CNTN4: variants seen among roughly 807,000 people sequenced by gnomAD.
The protein encoded by CNTN4 is contactin 4.
Under a neutral mutation model 122.5 loss-of-function variants are expected in CNTN4, and 77 were observed. That is an observed-to-expected ratio of 0.63 (90% confidence interval 0.52 to 0.76). The LOEUF is 0.76. CNTN4 is among the 30% of genes least tolerant of loss of function. CNTN4 has a pLI of 0.00. For synonymous variants in CNTN4, 512 were observed against 447.0 expected (o/e 1.15, Z -1.83); for missense variants, 1,256 against 1,259.1 (o/e 1.00, Z 0.04).
intron 6 of CNTN4, among the ~76,000 whole-genome samples, chr3:2,752,348 A>C (rs1576662101): frequency 6.6e-6 from 1 of 152,062 alleles, no homozygotes; most frequent in Non-Finnish European, 1.5e-5. Flanking sequence ...ATTAGAGTAA[A>C]TTGGTTTTTT....
intron 2 of CNTN4, among the ~76,000 whole-genome samples, chr3:2,329,483 T>C (rs1353441738): frequency 6.6e-6 from 1 of 152,208 alleles, no homozygotes; most frequent in African/African-American, 2.4e-5. Context: ...CCTTACATTT[T>C]GTTTTAGACA....
chr3:2,527,386 C>T (rs1417547344), intron 3 of CNTN4, among the ~76,000 whole-genome samples: 1 of 151,868 alleles, frequency 6.6e-6, no homozygotes, highest in Non-Finnish European at 1.5e-5. Context: ...TGAGGACTGG[C>T]ACACCAAATG....
chr3:2,688,560 T>C (rs542587152), intron 4 of CNTN4, among the ~76,000 whole-genome samples: 22 of 152,210 alleles, frequency 1.4e-4, no homozygotes, highest in Non-Finnish European at 2.8e-4. Context: ...TGAGATGTGA[T>C]TCCTGTTATT....
At chr3:2,736,837 T>G (rs1014936215) in intron 5 of CNTN4, among the ~76,000 whole-genome samples, 9 of 150,364 alleles carry the variant, frequency 6.0e-5, no homozygotes, top group Admixed American at 1.3e-4. Flanking sequence ...CTGTCAGGAG[T>G]GCAGTGTGCG....
intron 10 of CNTN4, among the ~76,000 whole-genome samples, chr3:2,888,315 G>A (rs28521202): frequency 0.027 from 4,051 of 152,192 alleles, 161 homozygotes; most frequent in African/African-American, 0.091. Flanking sequence ...CTTGCTAACC[G>A]CAATGAGCCT....
At chr3:2,758,145 G>T (rs1162122821) in intron 6 of CNTN4, among the ~76,000 whole-genome samples, 4 of 152,118 alleles carry the variant, frequency 2.6e-5, no homozygotes, top group Non-Finnish European at 5.9e-5. Context: ...TAATGTATAT[G>T]TTGAGGTGAG....
At chr3:2,803,255 T>C (rs1345823775) in intron 6 of CNTN4, among the ~76,000 whole-genome samples, 1 of 152,172 alleles carries the variant, frequency 6.6e-6, no homozygotes, top group Non-Finnish European at 1.5e-5. Flanking sequence ...GACACCAGAT[T>C]GACATAAACT....
intron 3 of CNTN4, among the ~76,000 whole-genome samples, chr3:2,500,666 T>C (rs948435249): frequency 1.3e-5 from 2 of 152,162 alleles, no homozygotes; most frequent in East Asian, 1.9e-4. Flanking sequence ...ATGTTCAGTA[T>C]GTTTCTTTTT....
At chr3:2,328,207 C>T (rs998610517) in intron 2 of CNTN4, among the ~76,000 whole-genome samples, 5 of 152,062 alleles carry the variant, frequency 3.3e-5, no homozygotes, top group South Asian at 2.1e-4. Flanking sequence ...AGATCGAGAC[C>T]ATCCTGGCTA....
At chr3:2,488,134 C>A (rs1319715461) in intron 3 of CNTN4, among the ~76,000 whole-genome samples, 1 of 152,192 alleles carries the variant, frequency 6.6e-6, no homozygotes, top group African/African-American at 2.4e-5. Context: ...ATTTTATGAT[C>A]ACTTATCCTT....
At chr3:2,555,839 G>C (rs1270733979) in intron 3 of CNTN4, among the ~76,000 whole-genome samples, 4 of 152,168 alleles carry the variant, frequency 2.6e-5, no homozygotes, top group Admixed American at 2.6e-4. Flanking sequence ...TGGTAATATA[G>C]CTGTGGCTGG....
intron 4 of CNTN4, among the ~76,000 whole-genome samples, chr3:2,726,709 G>A (rs2088251553): frequency 1.3e-5 from 2 of 152,150 alleles, no homozygotes; most frequent in Admixed American, 1.3e-4. Context: ...TGGAGCGCTG[G>A]GTTGTTAGGG....
At chr3:2,589,292 T>C (rs1393382455) in intron 4 of CNTN4, among the ~76,000 whole-genome samples, 1 of 152,214 alleles carries the variant, frequency 6.6e-6, no homozygotes, top group Non-Finnish European at 1.5e-5. Flanking sequence ...CCCAGTTGGC[T>C]CTTAAAAACA....
intron 4 of CNTN4, among the ~76,000 whole-genome samples, chr3:2,589,350 GA>G (rs2080351941): frequency 6.6e-6 from 1 of 152,080 alleles, no homozygotes. Flanking sequence ...ACCTTTCTTT[GA>G]AGTGCCTTTT....
chr3:2,751,882 G>A (rs754275886), intron 6 of CNTN4, among the ~76,000 whole-genome samples: 9 of 152,056 alleles, frequency 5.9e-5, no homozygotes, highest in Non-Finnish European at 1.0e-4. Flanking sequence ...GAGAAGATGA[G>A]ATGTTATATT....
chr3:2,993,510 G>C (rs1695238559), intron 14 of CNTN4, among the ~76,000 whole-genome samples: 1 of 151,738 alleles, frequency 6.6e-6, no homozygotes, highest in South Asian at 2.1e-4. Context: ...TGTTGGTCAA[G>C]GCTGGTTTCG....
chr3:2,229,020 C>T (rs1231233751), intron 2 of CNTN4, among the ~76,000 whole-genome samples: 1 of 152,042 alleles, frequency 6.6e-6, no homozygotes, highest in Admixed American at 6.6e-5. Flanking sequence ...CAAATTGCTC[C>T]AACTTTTATT....
intron 3 of CNTN4, among the ~76,000 whole-genome samples, chr3:2,400,426 T>TATATATATATATATATATAC (rs1399892591): frequency 1.4e-5 from 1 of 71,248 alleles, no homozygotes; most frequent in African/African-American, 4.7e-5. Context: ...TATATATATA[T>TATATATATATATATATATAC]ACATATATAT....
chr3:2,156,097 G>A (rs76538759), intron 2 of CNTN4, among the ~76,000 whole-genome samples: 24,700 of 152,138 alleles, frequency 0.16, 2,438 homozygotes, highest in Non-Finnish European at 0.23. Context: ...TGGCCTCACT[G>A]CTTCAGAAGG....
Sources: gnomAD v4.1 joint callset for allele counts (sites outside exome capture counted in the v4.1 genomes callset) on GRCh38, gnomAD v4.1.1 for gene constraint, MANE v1.5 for transcripts, NCBI Gene and HGNC (gene_info 2026-07-23, HGNC 2026-07-21) for gene names.